Variants in CCNF observed in about 807,000 individuals in gnomAD.
The protein encoded by CCNF is cyclin F, also known as cyclin-F.
Under a neutral mutation model 85.4 loss-of-function variants are expected in CCNF, and 30 were observed. The observed-to-expected ratio is 0.35, with a 90% confidence interval of 0.26 to 0.48. The LOEUF (loss-of-function observed/expected upper bound fraction) is 0.48. Among genes scored for constraint, CCNF ranks in the 20% least tolerant of loss-of-function variants. The probability of loss-of-function intolerance (pLI) is 0.99; values close to 1 mark genes in which losing one functional copy is unlikely to be tolerated. For missense variants in CCNF, 919 were observed against 1,010.4 expected (o/e 0.91, Z 1.23); for synonymous variants, 439 against 425.1 (o/e 1.03, Z -0.40).
intron 3 of CCNF, among the ~76,000 whole-genome samples, chr16:2,433,636 G>A (rs763547394): frequency 1.3e-5 from 2 of 152,170 alleles, no homozygotes; most frequent in Non-Finnish European, 2.9e-5. Context: ...CACCAGGCTG[G>A]AGTGCAGTGG....
Position 2,449,374 on chromosome 16 carries a change from C to T in CCNF, c.1311C>T (p.Leu437=). 2.5e-6 allele frequency: 4 copies of T among 1,613,206 alleles called. No individual in the cohort carries two copies. The highest frequency in any genetic ancestry group is 3.4e-6 in the Non-Finnish European group (4 of 1,179,976). The change falls in exon 12 of 17, where the codon CTC becomes CTT. Residue 437 remains leucine, a synonymous_variant. Coordinates refer to ENST00000397066, the MANE Select transcript of CCNF (RefSeq NM_001761.3). ...TQHLCSFLCE[L]SLLHTSLSAY... The stretch of plus-strand genomic sequence containing the variant: ...ACCTGTGCAGCTTCCTCTGCGAGCT[C>T]TCCCTGCTGCACACCAGCCTGTCCG...
rs1355127463 is a variant in CCNF, at chr16:2,444,953, T to C, written c.930-505T>C. ...TGTCACCCAGGGTGGAGTGCAGTGGTGTGTTCTCGGCTTGCTGTAACCTCT... is the reference window on the plus strand; with the variant it reads ...TGTCACCCAGGGTGGAGTGCAGTGGCGTGTTCTCGGCTTGCTGTAACCTCT... On this transcript the variant is annotated intron_variant, in intron 9 of 16. Transcript: ENST00000397066. 2.4e-5 allele frequency among the ~76,000 whole-genome samples: 3 copies of C among 124,114 alleles called. No homozygotes were observed. The Admixed American group carries it at 2.5e-4, about 10-fold the overall frequency. The allele number at this position is 124,114 out of a possible 152,430, so 81.4% of individuals were successfully genotyped here.
intron 15 of CCNF, among the ~76,000 whole-genome samples, chr16:2,454,029 G>C (rs1384485804): frequency 6.6e-6 from 1 of 152,138 alleles, no homozygotes; most frequent in Non-Finnish European, 1.5e-5. Flanking sequence ...CACCCGCCTG[G>C]AGAACTCCTA....
Position 2,448,881 on chromosome 16 carries a change from T to C in CCNF, c.1121T>C (p.Ile374Thr). The C allele has an allele frequency of 1.2e-6, 2 of 1,611,242 alleles. No individual in the cohort carries two copies. Among genetic ancestry groups the C allele is most frequent in the East Asian group, 2.2e-5 (1 of 44,468 alleles). Residue 374 changes from isoleucine to threonine, a missense_variant, in exon 11 of 17, where the codon ATC becomes ACC. Around this residue, in one of 3 missense-constraint regions of CCNF, gnomAD observed 410 missense variants for 478.6 expected, o/e 0.86. Transcript: ENST00000397066. ...TRFISKEILT[I>T]REAVWLTDNT... ...TTTATCAGTAAAGAGATCCTGACCA[T>C]CCGGGAGGCCGTATGGCTCACGGAC... is the stretch of plus-strand genomic sequence containing the variant.
Position 2,456,247 on chromosome 16 carries a change from C to G in CCNF, c.1886-298C>G. 8.2e-6 allele frequency: 3 copies of G among 364,674 alleles called. No individual in the cohort carries two copies. Among genetic ancestry groups the G allele is most frequent in the Non-Finnish European group, 1.5e-5 (3 of 200,554 alleles). The allele number at this position is 364,674 out of a possible 1,614,324, so 22.6% of individuals were successfully genotyped here. On this transcript the variant is annotated intron_variant, in intron 16 of 16. Transcript: ENST00000397066. The surrounding 1 kb of genome is among the most constrained non-coding windows in gnomAD (Gnocchi z 4.5). Reference sequence around the variant, plus strand: ...GCAAACCCCAGGCAGACTGCGGGGTCCTTGCCAGAAGCCCAGTTAGTGTGA... The same window carrying G: ...GCAAACCCCAGGCAGACTGCGGGGTGCTTGCCAGAAGCCCAGTTAGTGTGA...
At chr16:2,435,664 CACAT>C (rs1327985094) in intron 3 of CCNF, 138 bp from the exon 4 acceptor site, 1 of 165,254 alleles carries the variant, frequency 6.1e-6, no homozygotes, top group Non-Finnish European at 1.2e-5. Context: ...TGCACACACA[CACAT>C]ATATATATAT....
chr16:2,429,510 C>G lies in CCNF; in HGVS notation c.16+13C>G. 8.1e-7 allele frequency: 1 copy of G among 1,230,742 alleles called. No individual in the cohort carries two copies. The highest frequency in any genetic ancestry group is 1.0e-6 in the Non-Finnish European group (1 of 986,354). The allele number at this position is 1,230,742 out of a possible 1,614,324, so 76.2% of individuals were successfully genotyped here. A position where few individuals can be genotyped will look rare whatever the true frequency, so the allele number is the denominator to read the frequency against. ...GGGAGCGGCGGCGGTGAGTGCGGGG[C>G]GATGTCCGCTGGTTTCTGCCCCACA... On this transcript the variant is annotated intron_variant, in intron 1 of 16. Transcript: ENST00000397066.
chr16:2,443,638 T>G lies in CCNF; in HGVS notation c.778-11T>G. The G allele has an allele frequency of 6.2e-7, 1 of 1,610,904 alleles. No homozygotes were observed. The highest frequency in any genetic ancestry group is 8.5e-7 in the Non-Finnish European group (1 of 1,177,312). The stretch of plus-strand genomic sequence containing the variant: ...GCTGTCTCACGCTCATGTTTGTCTT[T>G]TCTTCCTCAGCTGTCTTTAGCCAAA... On this transcript the variant is annotated splice_polypyrimidine_tract_variant and intron_variant, in intron 8 of 16. Transcript: ENST00000397066.
At chr16:2,454,108 C>T (rs1301288868) in intron 15 of CCNF, among the ~76,000 whole-genome samples, 1 of 152,212 alleles carries the variant, frequency 6.6e-6, no homozygotes, top group African/African-American at 2.4e-5. Context: ...GACCCCTCAG[C>T]ACCATGTGCA....
At chr16:2,441,975 A>ATG (rs1555497471) in intron 8 of CCNF, among the ~76,000 whole-genome samples, 2 of 91,912 alleles carry the variant, frequency 2.2e-5, no homozygotes, top group East Asian at 5.7e-4. Context: ...ATATATATAT[A>ATG]TATATATGTT....
intron 1 of CCNF, among the ~76,000 whole-genome samples, chr16:2,429,860 C>T (rs908937310): frequency 2.6e-5 from 4 of 152,004 alleles, no homozygotes; most frequent in African/African-American, 4.8e-5. Context: ...GGCTGCGGAG[C>T]GCGTGGGGGC....
intron 13 of CCNF, 57 bp downstream of exon 13, chr16:2,449,972 C>T (rs571353473): frequency 2.6e-5 from 32 of 1,215,986 alleles, no homozygotes; most frequent in Middle Eastern, 1.9e-4. Flanking sequence ...TTTGGGAGGC[C>T]GAGGCGGGCA....
chr16:2,456,447 A>G lies in CCNF; in HGVS notation c.1886-98A>G. The G allele has an allele frequency of 1.3e-6, 1 of 783,472 alleles. No individual in the cohort carries two copies. Among genetic ancestry groups the G allele is most frequent in the Non-Finnish European group, 2.0e-6 (1 of 512,476 alleles). The allele number at this position is 783,472 out of a possible 1,614,324, so 48.5% of individuals were successfully genotyped here. On this transcript the variant is annotated intron_variant, in intron 16 of 16. Transcript: ENST00000397066. The surrounding 1 kb of genome is among the most constrained non-coding windows in gnomAD (Gnocchi z 4.5). ...AACACAGGGGACCGTAGCAAGGTAG[A>G]AGATTCTTGACCTGGACTTCAGGGT... is the stretch of plus-strand genomic sequence containing the variant.
At chr16:2,430,826 G>A (rs1407100029) in intron 1 of CCNF, among the ~76,000 whole-genome samples, 1 of 152,144 alleles carries the variant, frequency 6.6e-6, no homozygotes, top group Non-Finnish European at 1.5e-5. Flanking sequence ...TCCCCTTCCT[G>A]CCTGTCATGT....
chr16:2,432,904 T>G (rs2065269760), intron 2 of CCNF, 57 bp from the exon 3 acceptor site: 2 of 1,041,036 alleles, frequency 1.9e-6, no homozygotes, highest in East Asian at 5.0e-5. Flanking sequence ...AGCCTCCAGG[T>G]GTGGGGCTTT....
intron 15 of CCNF, among the ~76,000 whole-genome samples, chr16:2,455,126 T>C (rs1364702928): frequency 2.7e-5 from 4 of 147,348 alleles, no homozygotes; most frequent in African/African-American, 1.0e-4. Flanking sequence ...GGGGACCAGA[T>C]GGTTGGCCCA....
chr16:2,453,387 C>T lies in CCNF; in HGVS notation c.1588-23C>T. ...GCCTCACCCTCGGGGCCTCTGCACC[C>T]CCTAACTCTAGCTTCCCCTCAGGTG... On this transcript the variant is annotated intron_variant, in intron 14 of 16. Coordinates refer to ENST00000397066, the MANE Select transcript of CCNF (RefSeq NM_001761.3). The surrounding 1 kb of genome is among the most constrained non-coding windows in gnomAD (Gnocchi z 5.6). The T allele has an allele frequency of 6.2e-7, 1 of 1,613,820 alleles. No homozygotes were observed. The highest frequency in any genetic ancestry group is 8.5e-7 in the Non-Finnish European group (1 of 1,179,952).
At chr16:2,430,137 G>C (rs948550213) in intron 1 of CCNF, among the ~76,000 whole-genome samples, 1 of 152,146 alleles carries the variant, frequency 6.6e-6, no homozygotes, top group African/African-American at 2.4e-5. Context: ...GGAAGACCCC[G>C]GTCAAGAGAG....
In CCNF at chr16:2,449,838, G is replaced by C. The variant is rs375523895; in HGVS notation, c.1410G>C (p.Trp470Cys). The C allele has an allele frequency of 2.7e-6, 4 of 1,480,680 alleles. No homozygotes were observed. In the African/African-American group the frequency reaches 6.5e-5, roughly 24 times the overall value. The allele number at this position is 1,480,680 out of a possible 1,614,324, so 91.7% of individuals were successfully genotyped here. The change falls in exon 13 of 17, where the codon TGG becomes TGC. Residue 470 changes from tryptophan to cysteine, a missense_variant. By Grantham distance (215) the Trp-to-Cys change is radical. Around this residue, in one of 3 missense-constraint regions of CCNF, gnomAD observed 505 missense variants for 514.8 expected, o/e 0.98. Coordinates refer to ENST00000397066, the MANE Select transcript of CCNF (RefSeq NM_001761.3). ...TGCTTTCCTCCCCAGCACAGCCCTG[G>C]ACCACTCAGCTGTGGGACCTCACCG... ...ARLTHGQTQP[W>C]TTQLWDLTGF...
Sources: allele counts gnomAD v4.1 joint callset (sites outside exome capture counted in the v4.1 genomes callset), GRCh38; gene constraint gnomAD v4.1.1; regional missense constraint gnomAD v4.1.1; non-coding constraint Gnocchi (gnomAD v3.1); transcripts MANE v1.5; gene names NCBI Gene and HGNC (gene_info 2026-07-23, HGNC 2026-07-21).